Variants in CRACD observed in about 807,000 individuals in gnomAD.
CRACD encodes capping protein-inhibiting regulator of actin dynamics.
Under a neutral mutation model 106.8 loss-of-function variants are expected in CRACD, and 56 were observed. The observed-to-expected ratio is 0.52, with a 90% CI of 0.42 to 0.66. The LOEUF is 0.66. Among genes scored for constraint, CRACD ranks in the 30% least tolerant of loss-of-function variants. The probability of loss-of-function intolerance (pLI) is 0.00; values close to 1 mark genes in which losing one functional copy is unlikely to be tolerated. For missense variants in CRACD, 1,730 were observed against 1,623.2 expected (o/e 1.07, Z -1.13); for synonymous variants, 754 against 670.8 (o/e 1.12, Z -1.92).
chr4:56,196,267 A>G (rs1053360622), intron 2 of CRACD: 6 of 152,752 alleles, frequency 3.9e-5, no homozygotes, highest in East Asian at 3.8e-4. Flanking sequence ...GACAGAATTG[A>G]TAACAGTGGG....
chr4:56,268,281 A>G (rs1359040082), intron 2 of CRACD, among the ~76,000 whole-genome samples: 1 of 152,208 alleles, frequency 6.6e-6, no homozygotes, highest in Non-Finnish European at 1.5e-5. Flanking sequence ...TTTTTTTCTA[A>G]TCAATAAATT....
chr4:56,149,303 G>T (rs113871403), intron 1 of CRACD, among the ~76,000 whole-genome samples: 1 of 152,076 alleles, frequency 6.6e-6, no homozygotes, highest in Non-Finnish European at 1.5e-5. Context: ...TTGTAAAACT[G>T]ATTAGAGTTA....
rs767117538 is a variant in CRACD, at chr4:56,327,687, A to C, written c.3585A>C (p.Glu1195Asp). The C allele has an allele frequency of 1.2e-5, 19 of 1,614,026 alleles. No individual in the cohort carries two copies. The highest frequency in any genetic ancestry group is 8.3e-5 in the Admixed American group (5 of 59,998). ...DSAPPAPLVK[E>D]VTKRFSTPDA... ...CTCCCCCAGCGCCGCTGGTAAAAGAAGTCACCAAGAGGTTTTCCACCCCGG... is the reference window on the plus strand; with the variant it reads ...CTCCCCCAGCGCCGCTGGTAAAAGACGTCACCAAGAGGTTTTCCACCCCGG... Residue 1195 changes from glutamate (E) to aspartate (D), a missense_variant, in exon 11 of 11, where the codon GAA becomes GAC. Glu to Asp is a conservative substitution (Grantham distance 45). Coordinates refer to ENST00000682029, the MANE Select transcript of CRACD (RefSeq NM_001393381.1).
intron 1 of CRACD, among the ~76,000 whole-genome samples, chr4:56,086,747 G>T (rs965830363): frequency 2.0e-5 from 3 of 152,086 alleles, no homozygotes; most frequent in African/African-American, 4.8e-5. Flanking sequence ...CTCCATGGAG[G>T]CTGTTGGCTG....
intron 1 of CRACD, among the ~76,000 whole-genome samples, chr4:56,121,333 A>G (rs1055979216): frequency 6.6e-6 from 1 of 152,206 alleles, no homozygotes; most frequent in Non-Finnish European, 1.5e-5. Context: ...AAAATGTCAA[A>G]TGGTCACATA....
chr4:56,174,039 C>G (rs1376068448), intron 1 of CRACD, among the ~76,000 whole-genome samples: 1 of 152,154 alleles, frequency 6.6e-6, no homozygotes, highest in Non-Finnish European at 1.5e-5. Context: ...TATGCAAATC[C>G]TTTGTCCATT....
chr4:56,172,418 A>G (rs1377038977), intron 1 of CRACD, among the ~76,000 whole-genome samples: 7 of 152,212 alleles, frequency 4.6e-5, no homozygotes, highest in Admixed American at 4.6e-4. Flanking sequence ...CACAGGCATC[A>G]TGACTTGCAG....
At position 56,272,162 on chromosome 4, in the gene CRACD, G is replaced by T. The variant is rs73817460; in HGVS notation, c.-188-159G>T. On this transcript the variant is annotated intron_variant, in intron 2 of 10. Transcript: ENST00000682029. ...GTGCATGGATCGCGCTGGGGCTGGC[G>T]CCGACATTCCTGGCACAGGGCTTGG... is the stretch of plus-strand genomic sequence containing the variant. Among the ~76,000 whole-genome samples the T allele has an allele frequency of 5.6e-3, 856 of 152,318 alleles. 7 individuals carry two copies. Among genetic ancestry groups the T allele is most frequent in the African/African-American group, 0.018 (758 of 41,564 alleles).
intron 2 of CRACD, among the ~76,000 whole-genome samples, chr4:56,227,377 T>G (rs925427428): frequency 3.3e-5 from 5 of 152,146 alleles, no homozygotes; most frequent in Non-Finnish European, 5.9e-5. Context: ...GTAAAAAGAA[T>G]CTCACCTTCA....
In CRACD at chr4:56,073,464, T is replaced by C. The variant is rs142349829; in HGVS notation, c.-336+24165T>C. 2.0e-4 allele frequency among the ~76,000 whole-genome samples: 30 copies of C among 152,366 alleles called. No homozygotes were observed. The East Asian group carries it at 5.4e-3, about 27-fold the overall frequency. ...AACTTCTGTAATTATTATTGGTTAA[T>C]AGCTATTTTCTAATCCTAAATTTTC... On this transcript the variant is annotated intron_variant, in intron 1 of 10. Transcript: ENST00000682029.
At chr4:56,323,279 T>G in intron 8 of CRACD, 98 bp from the exon 9 acceptor site, 1 of 1,058,292 alleles carries the variant, frequency 9.4e-7, no homozygotes, top group Non-Finnish European at 1.4e-6. Flanking sequence ...GAATATGCCA[T>G]AGGGTTATTA....
intron 3 of CRACD, among the ~76,000 whole-genome samples, chr4:56,281,915 G>A (rs1450572608): frequency 1.3e-5 from 2 of 152,108 alleles, no homozygotes; most frequent in African/African-American, 4.8e-5. Flanking sequence ...CCTCTTCCTT[G>A]AATTTGTATG....
intron 3 of CRACD, among the ~76,000 whole-genome samples, chr4:56,279,236 A>G (rs937468735): frequency 6.6e-6 from 1 of 152,170 alleles, no homozygotes; most frequent in African/African-American, 2.4e-5. Context: ...GAAATGCAGA[A>G]ATCATTCATC....
chr4:56,299,502 T>C (rs1253420650), intron 4 of CRACD, among the ~76,000 whole-genome samples: 5 of 151,956 alleles, frequency 3.3e-5, no homozygotes, highest in African/African-American at 1.2e-4. Flanking sequence ...AAACCCCATC[T>C]CTACCAAAAA....
intron 1 of CRACD, among the ~76,000 whole-genome samples, chr4:56,133,058 C>T (rs1734881136): frequency 6.6e-6 from 1 of 152,064 alleles, no homozygotes; most frequent in African/African-American, 2.4e-5. Flanking sequence ...GTCTGATTGC[C>T]CTTGTAGTTT....
chr4:56,322,405 A>G (rs193251717), intron 8 of CRACD, among the ~76,000 whole-genome samples: 1 of 152,288 alleles, frequency 6.6e-6, no homozygotes, highest in East Asian at 1.9e-4. Flanking sequence ...TGTCACATGA[A>G]CCTCCTGTGA....
At chr4:56,223,474 A>C (rs915937194) in intron 2 of CRACD, among the ~76,000 whole-genome samples, 5 of 152,058 alleles carry the variant, frequency 3.3e-5, no homozygotes, top group Admixed American at 3.3e-4. Flanking sequence ...TGGGTCTTCT[A>C]GTACTTTTAT....
At chr4:56,186,139 A>G (rs1475156782) in intron 2 of CRACD, among the ~76,000 whole-genome samples, 1 of 152,198 alleles carries the variant, frequency 6.6e-6, no homozygotes, top group African/African-American at 2.4e-5. Flanking sequence ...CTGGCAGAGA[A>G]ATGGGAAACT....
chr4:56,079,172 C>T (rs1412459150), intron 1 of CRACD, among the ~76,000 whole-genome samples: 1 of 152,188 alleles, frequency 6.6e-6, no homozygotes, highest in Non-Finnish European at 1.5e-5. Flanking sequence ...CTGTCCCAGA[C>T]ACCAGGCTTG....
Sources: gnomAD v4.1 joint callset for allele counts (sites outside exome capture counted in the v4.1 genomes callset) on GRCh38, gnomAD v4.1.1 for gene constraint, MANE v1.5 for transcripts, NCBI Gene and HGNC (gene_info 2026-07-23, HGNC 2026-07-21) for gene names.